WSCD2: variants seen among roughly 807,000 people sequenced by gnomAD.
The protein encoded by WSCD2 is sialate:O-sulfotransferase 2.
Under a neutral mutation model 55.7 loss-of-function variants are expected in WSCD2, and 28 were observed. The ratio of observed to expected loss-of-function variants is 0.50; its 90% CI spans 0.37 to 0.69. WSCD2 has a LOEUF of 0.69. Among genes scored for constraint, WSCD2 ranks in the 30% least tolerant of loss-of-function variants. The probability of loss-of-function intolerance (pLI) is 0.00; values close to 1 mark genes in which losing one functional copy is unlikely to be tolerated. For synonymous variants in WSCD2, 301 were observed against 301.9 expected (o/e 1.00, Z 0.03); for missense variants, 616 against 762.1 (o/e 0.81, Z 2.26).
chr12:108,188,314 C>A (rs954768070), intron 1 of WSCD2, among the ~76,000 whole-genome samples: 5 of 152,064 alleles, frequency 3.3e-5, no homozygotes, highest in African/African-American at 4.8e-5. Flanking sequence ...CCTGGTGAAG[C>A]TTTCCTGGTG....
rs1888945775 is a variant in WSCD2, at chr12:108,233,051, C to T, written c.1144+156C>T. On this transcript the variant is annotated intron_variant, in intron 7 of 8. Coordinates refer to ENST00000547525, the MANE Select transcript of WSCD2 (RefSeq NM_014653.4). ...GAGACTCACTGCATGCTTGGTACCC[C>T]CCCACCTTCCTTTATGCCCCACAAA... is the stretch of plus-strand genomic sequence containing the variant. The T allele has an allele frequency of 4.2e-6, 4 of 955,842 alleles. No individual in the cohort carries two copies. In the South Asian group the frequency reaches 5.5e-5, roughly 13 times the overall value. 59.2% of individuals were successfully genotyped at this position (955,842 alleles called of 1,614,324 possible). A position where few individuals can be genotyped will look rare whatever the true frequency, so the allele number is the denominator to read the frequency against.
chr12:108,243,558 T>G (rs779515410), intron 8 of WSCD2, among the ~76,000 whole-genome samples: 2 of 152,184 alleles, frequency 1.3e-5, no homozygotes, highest in Non-Finnish European at 2.9e-5. Flanking sequence ...AACAAAACCC[T>G]CCAGGTGATA....
At chr12:108,224,963 A>T in intron 5 of WSCD2, 103 bp downstream of exon 5, 1 of 1,492,962 alleles carries the variant, frequency 6.7e-7, no homozygotes, top group East Asian at 2.3e-5. Flanking sequence ...CAGTCGGGAT[A>T]GATGTAGTCG....
intron 7 of WSCD2, chr12:108,233,214 G>C: frequency 4.4e-6 from 1 of 225,134 alleles, no homozygotes. Flanking sequence ...CTGTGTGCTG[G>C]TACCTCATTA....
chr12:108,225,596 G>A (rs780731600), intron 5 of WSCD2, among the ~76,000 whole-genome samples: 38 of 135,082 alleles, frequency 2.8e-4, no homozygotes, highest in Non-Finnish European at 4.8e-4. Context: ...CAGAGGCCAG[G>A]CAGCAGTGTC....
intron 7 of WSCD2, 44 bp from the exon 8 acceptor site, chr12:108,240,300 T>TC: frequency 6.2e-7 from 1 of 1,606,602 alleles, no homozygotes; most frequent in Non-Finnish European, 8.5e-7. Context: ...GCTTCTTGCT[T>TC]CCCCAGCTCA....
At chr12:108,180,050 CAA>C (rs59925486) in intron 1 of WSCD2, among the ~76,000 whole-genome samples, 1,948 of 116,692 alleles carry the variant, frequency 0.017, 36 homozygotes, top group African/African-American at 0.052. Flanking sequence ...CTCAAAAAAA[CAA>C]AAAAAAAAAA....
chr12:108,223,965 G>T (rs1322102794), intron 4 of WSCD2, among the ~76,000 whole-genome samples: 1 of 152,176 alleles, frequency 6.6e-6, no homozygotes, highest in East Asian at 1.9e-4. Context: ...AGTTCTGTCT[G>T]GTCCTGCCTC....
chr12:108,221,221 T>G (rs139711166), intron 4 of WSCD2, among the ~76,000 whole-genome samples: 124 of 152,206 alleles, frequency 8.1e-4, no homozygotes, highest in Non-Finnish European at 1.4e-3. Flanking sequence ...CCACAGTGCT[T>G]GGGACTTCCC....
At chr12:108,166,761 TTTTC>T (rs1555225180) in intron 1 of WSCD2, among the ~76,000 whole-genome samples, 1,736 of 124,844 alleles carry the variant, frequency 0.014, 21 homozygotes, top group Middle Eastern at 0.042. Flanking sequence ...TCTTTCTTTC[TTTTC>T]TTTCTTTCTT....
intron 1 of WSCD2, among the ~76,000 whole-genome samples, chr12:108,154,595 A>T (rs759718599): frequency 2.6e-5 from 4 of 152,134 alleles, no homozygotes; most frequent in Admixed American, 1.3e-4. Context: ...GGGGATTAGG[A>T]CACGGATATC....
At chr12:108,163,045 A>G (rs1016513681) in intron 1 of WSCD2, among the ~76,000 whole-genome samples, 2 of 152,188 alleles carry the variant, frequency 1.3e-5, no homozygotes, top group Non-Finnish European at 2.9e-5. Context: ...GCTGAATCGT[A>G]TTCCTATGGA....
At chr12:108,189,462 C>G (rs1237083662) in intron 1 of WSCD2, 2 of 152,180 alleles carry the variant, frequency 1.3e-5, no homozygotes, top group Non-Finnish European at 2.9e-5. Context: ...CTGCCAACCA[C>G]ACAAGCACAA....
chr12:108,237,500 G>A (rs1274178129), intron 7 of WSCD2, among the ~76,000 whole-genome samples: 1 of 152,228 alleles, frequency 6.6e-6, no homozygotes, highest in Admixed American at 6.5e-5. Context: ...CCTAGTGGTG[G>A]AGTCCGGCAA....
chr12:108,235,024 C>G (rs536172934), intron 7 of WSCD2, among the ~76,000 whole-genome samples: 1 of 152,096 alleles, frequency 6.6e-6, no homozygotes, highest in Non-Finnish European at 1.5e-5. Flanking sequence ...TCTAACTCAA[C>G]CTCCTAACTT....
chr12:108,226,963 C>T, intron 5 of WSCD2, 27 bp from the exon 6 acceptor site: 4 of 1,602,404 alleles, frequency 2.5e-6, no homozygotes, highest in Non-Finnish European at 3.4e-6. Context: ...CAACTCTCTT[C>T]CTCTTCTTCT....
At chr12:108,131,361 A>G (rs960730487) in intron 1 of WSCD2, among the ~76,000 whole-genome samples, 2 of 152,202 alleles carry the variant, frequency 1.3e-5, no homozygotes, top group Non-Finnish European at 1.5e-5. Flanking sequence ...ATTGTCACTG[A>G]TGAGATTTTT....
At chr12:108,240,943 ACACT>A (rs1889694741) in intron 8 of WSCD2, among the ~76,000 whole-genome samples, 2 of 152,212 alleles carry the variant, frequency 1.3e-5, no homozygotes, top group Non-Finnish European at 2.9e-5. Context: ...AATTTTACAA[ACACT>A]CAGTAGGTGT....
intron 1 of WSCD2, among the ~76,000 whole-genome samples, chr12:108,135,756 G>C (rs1466057558): frequency 6.6e-6 from 1 of 152,230 alleles, no homozygotes; most frequent in East Asian, 1.9e-4. Flanking sequence ...ACCCAGCTTG[G>C]AATGGTCTAG....
Sources: allele counts gnomAD v4.1 joint callset (sites outside exome capture counted in the v4.1 genomes callset), GRCh38; gene constraint gnomAD v4.1.1; transcripts MANE v1.5; gene names NCBI Gene and HGNC (gene_info 2026-07-23, HGNC 2026-07-21).